DOCK5: variants seen among roughly 807,000 people sequenced by gnomAD.
DOCK5 encodes dedicator of cytokinesis 5.
A neutral mutation model predicts 251.8 loss-of-function variants in DOCK5; 142 were observed. That is an observed-to-expected ratio of 0.56 (90% CI 0.49 to 0.65). DOCK5 has a LOEUF of 0.65. DOCK5 is among the 30% of genes least tolerant of loss of function. The probability of loss-of-function intolerance (pLI) is 0.00; values close to 1 mark genes in which losing one functional copy is unlikely to be tolerated. For missense variants in DOCK5, 2,111 were observed against 2,312.3 expected (o/e 0.91, Z 1.79); for synonymous variants, 842 against 835.5 (o/e 1.01, Z -0.13).
rs572931894 is a variant in DOCK5 at position 25,279,105 on chromosome 8, C to A, written c.321+440C>A. ...AATTTATCGATATTTCAGGGCTCAG[C>A]TGCATGAGGATGACATTCTTTACCT... On this transcript the variant is annotated intron_variant, in intron 5 of 51. Coordinates refer to ENST00000276440, the MANE Select transcript of DOCK5 (RefSeq NM_024940.8). Among the ~76,000 whole-genome samples the A allele has an allele frequency of 3.3e-5, 5 of 152,270 alleles. No individual in the cohort carries two copies. In the East Asian group the frequency reaches 9.7e-4, roughly 29 times the overall value.
At chr8:25,249,703 C>G (rs746037949) in intron 2 of DOCK5, among the ~76,000 whole-genome samples, 9 of 152,198 alleles carry the variant, frequency 5.9e-5, no homozygotes, top group Non-Finnish European at 1.0e-4. Flanking sequence ...CCTCCTACTC[C>G]AGCCTCCCAG....
Position 25,413,282 on chromosome 8 carries a change from T to G in DOCK5, c.*1984T>G, listed in dbSNP as rs552042483. On this transcript the variant is annotated 3_prime_UTR_variant, in exon 52 of 52. Coordinates refer to ENST00000276440, the MANE Select transcript of DOCK5 (RefSeq NM_024940.8). ...TCTAAGAGCATTACTCATACTTTTT[T>G]TTTCTTCCAAGGTAGTTTGGAATGT... The G allele has an allele frequency of 7.6e-4, 116 of 152,294 alleles. 1 individual carries two copies. Among genetic ancestry groups the G allele is most frequent in the African/African-American group, 2.7e-3 (113 of 41,566 alleles). 9.4% of individuals were successfully genotyped at this position (152,294 alleles called of 1,614,324 possible).
intron 49 of DOCK5, 84 bp from the exon 50 acceptor site, chr8:25,408,718 C>T: frequency 6.5e-7 from 1 of 1,532,682 alleles, no homozygotes; most frequent in Non-Finnish European, 8.9e-7. Flanking sequence ...CAAGTGTCTT[C>T]TCAGAAGACA....
At chr8:25,266,580 TCTTG>T (rs1803759761) in intron 2 of DOCK5, among the ~76,000 whole-genome samples, 1 of 151,922 alleles carries the variant, frequency 6.6e-6, no homozygotes, top group South Asian at 2.1e-4. Context: ...AAAACTGGAT[TCTTG>T]CTTGTATGAC....
chr8:25,332,516 T>G (rs1805706433), intron 19 of DOCK5, 87 bp from the exon 20 acceptor site: 2 of 1,266,118 alleles, frequency 1.6e-6, no homozygotes, highest in African/African-American at 3.0e-5. Flanking sequence ...TTAAACCTCT[T>G]TGATTTAAAC....
intron 1 of DOCK5, among the ~76,000 whole-genome samples, chr8:25,194,241 C>T (rs891873330): frequency 6.6e-6 from 1 of 151,972 alleles, no homozygotes; most frequent in African/African-American, 2.4e-5. Context: ...TTGCAGTGAG[C>T]CAAGATCACG....
intron 47 of DOCK5, 110 bp from the exon 48 acceptor site, chr8:25,403,448 T>C: frequency 1.7e-6 from 2 of 1,157,700 alleles, no homozygotes; most frequent in South Asian, 1.5e-5. Flanking sequence ...GCCAGCCACA[T>C]AACCAGTACA....
chr8:25,392,713 T>A (rs1227293669), intron 43 of DOCK5, 83 bp from the exon 44 acceptor site: 1 of 1,194,432 alleles, frequency 8.4e-7, no homozygotes, highest in Admixed American at 2.0e-5. Context: ...GGAGTCTTGC[T>A]GTTTTCCCTG....
At chr8:25,362,667 A>G (rs547656510) in intron 28 of DOCK5, among the ~76,000 whole-genome samples, 3 of 151,874 alleles carry the variant, frequency 2.0e-5, no homozygotes, top group African/African-American at 7.2e-5. Context: ...GGATTTCACT[A>G]TGTTGGCCAA....
At chr8:25,358,385 A>G (rs555839618) in intron 27 of DOCK5, among the ~76,000 whole-genome samples, 9 of 152,328 alleles carry the variant, frequency 5.9e-5, no homozygotes, top group South Asian at 4.1e-4. Context: ...CGTTCCCATG[A>G]TTAAATTACC....
At chr8:25,225,395 G>A (rs1668184142) in intron 1 of DOCK5, among the ~76,000 whole-genome samples, 1 of 152,102 alleles carries the variant, frequency 6.6e-6, no homozygotes, top group South Asian at 2.1e-4. Flanking sequence ...CCATACAAAG[G>A]AATATTATTC....
At chr8:25,257,819 A>T (rs1012448873) in intron 2 of DOCK5, among the ~76,000 whole-genome samples, 2 of 152,170 alleles carry the variant, frequency 1.3e-5, no homozygotes, top group Non-Finnish European at 1.5e-5. Flanking sequence ...GCTGATGATA[A>T]CAAAACCAGC....
chr8:25,298,077 A>C (rs1383921929), intron 7 of DOCK5, among the ~76,000 whole-genome samples: 2 of 151,846 alleles, frequency 1.3e-5, no homozygotes, highest in Non-Finnish European at 2.9e-5. Context: ...AAAAAAAAAA[A>C]ACTTACTCAT....
rs541488063 is a variant in DOCK5, at chr8:25,267,866, A to ATT, written c.128-967_128-966dup. The stretch of plus-strand genomic sequence containing the variant: ...TATAGGGGTGTGTACCTTTATTGGA[A>ATT]TTTTTTTTTTTTTGGAAACGGAGTC... On this transcript the variant is annotated intron_variant, in intron 2 of 51. Transcript: ENST00000276440. Among the ~76,000 whole-genome samples, 1,190 of 146,284 alleles carry ATT rather than the reference A, an allele frequency of 8.1e-3. 19 individuals are homozygous for ATT. Among genetic ancestry groups the ATT allele is most frequent in the African/African-American group, 0.028 (1,130 of 40,248 alleles).
At chr8:25,323,273 A>G (rs1042334971) in intron 16 of DOCK5, among the ~76,000 whole-genome samples, 31 of 152,230 alleles carry the variant, frequency 2.0e-4, no homozygotes, top group African/African-American at 7.2e-4. Context: ...AACTTTGGGC[A>G]GCACCATAAA....
At chr8:25,186,352 T>C (rs377527232) in intron 1 of DOCK5, among the ~76,000 whole-genome samples, 200 of 146,810 alleles carry the variant, frequency 1.4e-3, no homozygotes, top group African/African-American at 5.1e-3. Flanking sequence ...CAGGGCTCTT[T>C]TTTTTTTTTT....
intron 46 of DOCK5, 120 bp downstream of exon 46, chr8:25,400,114 G>A: frequency 2.7e-6 from 2 of 742,298 alleles, no homozygotes; most frequent in Non-Finnish European, 2.2e-6. Context: ...TTTAACCCTT[G>A]TGAAAGCACC....
chr8:25,348,621 C>T (rs573229036), intron 26 of DOCK5, among the ~76,000 whole-genome samples: 19 of 152,220 alleles, frequency 1.2e-4, no homozygotes, highest in African/African-American at 4.6e-4. Flanking sequence ...AGGTAGATCA[C>T]GAGATCAGGA....
chr8:25,370,937 G>A (rs1490593657), intron 34 of DOCK5, among the ~76,000 whole-genome samples: 6 of 152,068 alleles, frequency 3.9e-5, no homozygotes, highest in East Asian at 1.9e-4. Flanking sequence ...GAGCCACCAC[G>A]TCTGGCCTAG....
Sources: gnomAD v4.1 joint callset for allele counts (sites outside exome capture counted in the v4.1 genomes callset) on GRCh38, gnomAD v4.1.1 for gene constraint, MANE v1.5 for transcripts, NCBI Gene and HGNC (gene_info 2026-07-23, HGNC 2026-07-21) for gene names.